Variants in CDCP1 observed in about 807,000 individuals in gnomAD.
The protein encoded by CDCP1 is CUB domain-containing protein 1.
A neutral mutation model predicts 60.2 loss-of-function variants in CDCP1; 29 were observed. That is an observed-to-expected ratio of 0.48 (90% CI 0.36 to 0.66). The LOEUF is 0.66. Ranked by LOEUF, CDCP1 falls within the 30% of genes least tolerant of loss-of-function variation. The pLI, the probability that CDCP1 is intolerant of heterozygous loss-of-function variation, is 0.00. For synonymous variants in CDCP1, 387 were observed against 431.1 expected (o/e 0.90, Z 1.27); for missense variants, 876 against 1,074.3 (o/e 0.82, Z 2.58).
At chr3:45,143,529 A>G (rs968634675) in intron 1 of CDCP1, among the ~76,000 whole-genome samples, 1 of 152,282 alleles carries the variant, frequency 6.6e-6, no homozygotes, top group African/African-American at 2.4e-5. Flanking sequence ...TGGTTTGTGC[A>G]CATGAGCGTG....
chr3:45,137,097 C>T (rs572262903), intron 1 of CDCP1, among the ~76,000 whole-genome samples: 4 of 152,290 alleles, frequency 2.6e-5, no homozygotes, highest in South Asian at 2.1e-4. Context: ...AGTCGTTCTC[C>T]TACCCTTGAA....
chr3:45,121,867 T>C (rs1397324158), intron 1 of CDCP1, among the ~76,000 whole-genome samples: 2 of 152,222 alleles, frequency 1.3e-5, no homozygotes, highest in Non-Finnish European at 2.9e-5. Flanking sequence ...GTTCAAAAGA[T>C]CATGTTTTCA....
intron 1 of CDCP1, among the ~76,000 whole-genome samples, chr3:45,119,487 T>C (rs1307938793): frequency 6.6e-6 from 1 of 152,296 alleles, no homozygotes; most frequent in African/African-American, 2.4e-5. Flanking sequence ...GAACAGCAGA[T>C]GATGGGAAGA....
chr3:45,085,774 T>C lies in CDCP1; in HGVS notation c.2375A>G (p.Glu792Gly). Residue 792 changes from glutamate (E) to glycine (G), a missense_variant, in exon 9 of 9, where the codon GAG becomes GGG. Glu to Gly is a moderately conservative substitution (Grantham distance 98, BLOSUM62 -2). This residue lies in a region of CDCP1 where 726 missense variants were observed against 935.7 expected (regional missense o/e 0.78). Coordinates refer to ENST00000296129, the MANE Select transcript of CDCP1 (RefSeq NM_022842.5). This position sits in a 1 kb window ranked among gnomAD's most constrained non-coding sequence, Gnocchi z 4.2. Reference protein sequence around the residue: ...RAPTAKLATEEPPPRSPPESE... With the variant: ...RAPTAKLATEGPPPRSPPESE... ...CTCAGGAGGGGAGCGAGGAGGTGGC[T>C]CCTCAGTGGCCAACTTTGCAGTTGG... 6.2e-7 allele frequency: 1 copy of C among 1,614,140 alleles called. No homozygotes were observed. Among genetic ancestry groups the C allele is most frequent in the Non-Finnish European group, 8.5e-7 (1 of 1,180,016 alleles).
At chr3:45,108,719 G>A (rs1698615544) in intron 4 of CDCP1, among the ~76,000 whole-genome samples, 1 of 132,820 alleles carries the variant, frequency 7.5e-6, no homozygotes, top group Non-Finnish European at 1.7e-5. Flanking sequence ...ATATATGCAT[G>A]TATACATATA....
intron 1 of CDCP1, chr3:45,139,272 GC>G (rs1327106063): frequency 1.3e-5 from 2 of 152,354 alleles, no homozygotes; most frequent in East Asian, 3.9e-4. Flanking sequence ...CCAGACTAGT[GC>G]ACACATCATT....
chr3:45,123,091 G>A (rs774983039), intron 1 of CDCP1, among the ~76,000 whole-genome samples: 9 of 151,726 alleles, frequency 5.9e-5, no homozygotes, highest in South Asian at 2.1e-4. Flanking sequence ...AACTCTAAGC[G>A]TTGAATATAC....
At position 45,146,226 on chromosome 3, in the gene CDCP1, G is replaced by A. The variant is rs907434524; in HGVS notation, c.62C>T (p.Ala21Val). 6.3e-7 allele frequency: 1 copy of A among 1,596,250 alleles called. No individual in the cohort carries two copies. The highest frequency in any genetic ancestry group is 8.5e-7 in the Non-Finnish European group (1 of 1,173,672). ...ALLGVLLLGAARLPRGAEAFE... is the reference protein window; with the variant it reads ...ALLGVLLLGAVRLPRGAEAFE... ...CTCACCTGCCCCGCGCGGCAGGCGC[G>A]CCGCACCCAGCAGCAGAACCCCTAG... Residue 21 changes from alanine to valine, a missense_variant, in exon 1 of 9, where the codon GCG becomes GTG. Ala to Val is a moderately conservative substitution (Grantham distance 64). Around this residue, in one of 2 missense-constraint regions of CDCP1, gnomAD observed 150 missense variants for 138.6 expected, o/e 1.08. Coordinates refer to ENST00000296129, the MANE Select transcript of CDCP1 (RefSeq NM_022842.5).
upstream of CDCP1, chr3:45,146,380 G>T (rs898629955): frequency 8.7e-7 from 1 of 1,149,206 alleles, no homozygotes; most frequent in East Asian, 3.1e-5. Context: ...CTCCGCCCTG[G>T]CTCACTCACC....
intron 1 of CDCP1, among the ~76,000 whole-genome samples, chr3:45,140,250 G>A (rs1012279873): frequency 5.9e-5 from 9 of 152,172 alleles, no homozygotes; most frequent in African/African-American, 1.9e-4. Flanking sequence ...TTTGGACTCA[G>A]GGAGTTGATA....
At position 45,085,796 on chromosome 3, in the gene CDCP1, T is replaced by C. The variant is rs1298727242; in HGVS notation, c.2353A>G (p.Thr785Ala). The C allele has an allele frequency of 3.7e-6, 6 of 1,613,976 alleles. No individual in the cohort carries two copies. Among genetic ancestry groups the C allele is most frequent in the Admixed American group, 1.7e-5 (1 of 60,004 alleles). The part of the protein sequence containing the change: ...SPPTICSRAP[T>A]AKLATEEPPP... The stretch of plus-strand genomic sequence containing the variant: ...GGCTCCTCAGTGGCCAACTTTGCAG[T>C]TGGGGCCCTGGAGCATATGGTGGGT... The change falls in exon 9 of 9, where the codon ACT becomes GCT. Residue 785 changes from threonine to alanine, a missense_variant. Physicochemically the swap from Thr to Ala is moderately conservative, Grantham distance 58 (BLOSUM62 0). This residue lies in a region of CDCP1 where 726 missense variants were observed against 935.7 expected (regional missense o/e 0.78). Transcript: ENST00000296129. The surrounding 1 kb of genome is among the most constrained non-coding windows in gnomAD (Gnocchi z 4.2).
At chr3:45,103,031 G>A (rs757845062) in intron 4 of CDCP1, among the ~76,000 whole-genome samples, 6 of 151,666 alleles carry the variant, frequency 4.0e-5, no homozygotes, top group Non-Finnish European at 7.4e-5. Flanking sequence ...TCAGTGTGAT[G>A]AGTCTGTACA....
Position 45,089,133 on chromosome 3 carries a change from C to T in CDCP1, c.2002G>A (p.Val668Ile). ...CCTCCCACCGCTGCGATGAGGATGA[C>T]AGTCAAGTCTGTGAGCAGAGACATA... ...TLTPRTVDLT[V>I]ILIAAVGGGV... The change falls in exon 8 of 9, where the codon GTC (valine) becomes ATC (isoleucine). Residue 668 changes from valine (V) to isoleucine (I), a missense_variant. Coordinates refer to ENST00000296129, the MANE Select transcript of CDCP1 (RefSeq NM_022842.5). The T allele has an allele frequency of 6.2e-7, 1 of 1,613,946 alleles. No homozygotes were observed.
intron 4 of CDCP1, among the ~76,000 whole-genome samples, chr3:45,108,926 TGC>T (rs1303029666): frequency 7.0e-5 from 4 of 57,214 alleles, no homozygotes; most frequent in Admixed American, 1.9e-4. Context: ...TATATATATA[TGC>T]ATGTATACAT....
At chr3:45,106,319 A>G (rs1698564875) in intron 4 of CDCP1, among the ~76,000 whole-genome samples, 1 of 152,034 alleles carries the variant, frequency 6.6e-6, no homozygotes, top group Non-Finnish European at 1.5e-5. Flanking sequence ...CTGGCTTTCT[A>G]TGGTTGCACT....
chr3:45,137,956 G>A (rs532671172), intron 1 of CDCP1, among the ~76,000 whole-genome samples: 1 of 152,126 alleles, frequency 6.6e-6, no homozygotes, highest in Non-Finnish European at 1.5e-5. Context: ...TAAAGGCCAG[G>A]GCCCTGCCAG....
chr3:45,110,771 T>A lies in CDCP1; in HGVS notation c.726A>T (p.Glu242Asp), dbSNP rs1698676145. Residue 242 changes from glutamate to aspartate, a missense_variant, in exon 4 of 9, where the codon GAA (glutamate) becomes GAT (aspartate). By Grantham distance (45) the Glu-to-Asp change is conservative. Coordinates refer to ENST00000296129, the MANE Select transcript of CDCP1 (RefSeq NM_022842.5). Reference sequence around the variant, plus strand: ...TCATGAGCTCATCCTCAGGGAAGCCTTCTGGGTAGTTGGCAGACATCAGGG... The same window carrying A: ...TCATGAGCTCATCCTCAGGGAAGCCATCTGGGTAGTTGGCAGACATCAGGG... ...SATLMSANYP[E>D]GFPEDELMTW... The A allele has an allele frequency of 6.2e-7, 1 of 1,614,114 alleles. No individual in the cohort carries two copies. Among genetic ancestry groups the A allele is most frequent in the Non-Finnish European group, 8.5e-7 (1 of 1,180,004 alleles).
At chr3:45,129,263 C>A (rs1163516258) in intron 1 of CDCP1, among the ~76,000 whole-genome samples, 1 of 152,224 alleles carries the variant, frequency 6.6e-6, no homozygotes, top group Non-Finnish European at 1.5e-5. Context: ...TGCGTATAAA[C>A]CCCTCTGAGA....
intron 1 of CDCP1, among the ~76,000 whole-genome samples, chr3:45,119,390 A>T (rs1452092743): frequency 1.3e-5 from 2 of 152,144 alleles, no homozygotes; most frequent in Non-Finnish European, 2.9e-5. Context: ...TTAGACCAAG[A>T]AGGGAGAGCC....
Sources: gnomAD v4.1 joint callset for allele counts (sites outside exome capture counted in the v4.1 genomes callset) on GRCh38, gnomAD v4.1.1 for gene constraint, gnomAD v4.1.1 regional missense constraint, Gnocchi (gnomAD v3.1) non-coding constraint, MANE v1.5 for transcripts, NCBI Gene and HGNC (gene_info 2026-07-23, HGNC 2026-07-21) for gene names.